CDH10: variants seen among roughly 807,000 people sequenced by gnomAD.
CDH10 encodes the protein cadherin-10.
A neutral mutation model predicts 73.1 loss-of-function variants in CDH10; 30 were observed. The ratio of observed to expected loss-of-function variants is 0.41; its 90% CI spans 0.31 to 0.56. CDH10 has a LOEUF of 0.56. Ranked by LOEUF, CDH10 falls within the 20% of genes least tolerant of loss-of-function variation. CDH10 has a pLI of 0.27. For missense variants in CDH10, 815 were observed against 973.7 expected (o/e 0.84, Z 2.17); for synonymous variants, 345 against 348.2 (o/e 0.99, Z 0.10).
chr5:24,601,994 T>G (rs1241168276), intron 1 of CDH10, among the ~76,000 whole-genome samples: 1 of 152,120 alleles, frequency 6.6e-6, no homozygotes, highest in Non-Finnish European at 1.5e-5. Context: ...CTTTAACAAA[T>G]TTTGGTTTTT....
chr5:24,603,259 A>G (rs1746632039), intron 1 of CDH10, among the ~76,000 whole-genome samples: 1 of 152,202 alleles, frequency 6.6e-6, no homozygotes, highest in Admixed American at 6.5e-5. Flanking sequence ...TTTGGAGTCT[A>G]ACACAATCCA....
At chr5:24,504,628 C>T (rs1168774727) in intron 8 of CDH10, among the ~76,000 whole-genome samples, 1 of 149,608 alleles carries the variant, frequency 6.7e-6, no homozygotes, top group Non-Finnish European at 1.5e-5. Context: ...CAGGTTCACG[C>T]CATTCTCCTG....
chr5:24,642,977 C>CAAAA (rs35064864), intron 1 of CDH10, among the ~76,000 whole-genome samples: 25 of 144,454 alleles, frequency 1.7e-4, no homozygotes, highest in African/African-American at 3.8e-4. Flanking sequence ...ATAACACAGC[C>CAAAA]AAAAAAAAAA....
intron 1 of CDH10, among the ~76,000 whole-genome samples, chr5:24,618,108 T>A (rs1747184367): frequency 6.6e-6 from 1 of 152,204 alleles, no homozygotes; most frequent in South Asian, 2.1e-4. Context: ...TTTTTCACTG[T>A]TAAATGTGAA....
At chr5:24,555,837 C>T (rs543785808) in intron 2 of CDH10, among the ~76,000 whole-genome samples, 88 of 151,306 alleles carry the variant, frequency 5.8e-4, no homozygotes, top group Non-Finnish European at 3.5e-4. Context: ...GGTTAACATA[C>T]GTCTATTGGG....
At chr5:24,499,633 G>C (rs1742417322) in intron 8 of CDH10, 1 of 151,644 alleles carries the variant, frequency 6.6e-6, no homozygotes, top group Non-Finnish European at 1.5e-5. Context: ...GTTGCAGTGA[G>C]CTGAGATCGT....
intron 5 of CDH10, among the ~76,000 whole-genome samples, chr5:24,526,787 C>T (rs530607864): frequency 6.6e-5 from 10 of 151,764 alleles, no homozygotes; most frequent in South Asian, 2.1e-4. Context: ...TGATGCTGTC[C>T]GAAAAAAGAT....
intron 2 of CDH10, among the ~76,000 whole-genome samples, chr5:24,582,600 T>A (rs1036897002): frequency 6.6e-5 from 10 of 152,160 alleles, no homozygotes; most frequent in African/African-American, 2.4e-4. Flanking sequence ...AGTGTATACA[T>A]GTTTTATGTA....
At chr5:24,554,587 T>C (rs545730321) in intron 2 of CDH10, among the ~76,000 whole-genome samples, 7 of 152,168 alleles carry the variant, frequency 4.6e-5, no homozygotes, top group African/African-American at 9.6e-5. Flanking sequence ...TAGTTATATA[T>C]CCTATGATCC....
At chr5:24,627,301 C>A (rs753894572) in intron 1 of CDH10, among the ~76,000 whole-genome samples, 20 of 151,928 alleles carry the variant, frequency 1.3e-4, no homozygotes, top group Admixed American at 3.3e-4. Flanking sequence ...TAAAATAAAA[C>A]AGTGTTTAAA....
chr5:24,643,546 G>A (rs1260737884), intron 1 of CDH10, among the ~76,000 whole-genome samples: 1 of 151,658 alleles, frequency 6.6e-6, no homozygotes, highest in African/African-American at 2.4e-5. Flanking sequence ...AAAAAAAGAG[G>A]AGAAAAAATA....
At chr5:24,540,358 C>A in intron 2 of CDH10, among the ~76,000 whole-genome samples, 1 of 151,900 alleles carries the variant, frequency 6.6e-6, no homozygotes, top group Non-Finnish European at 1.5e-5. Flanking sequence ...CTATTCTAAT[C>A]AGTTAGACAT....
intron 1 of CDH10, chr5:24,613,134 C>T (rs1404993755): frequency 3.3e-5 from 5 of 151,356 alleles, no homozygotes; most frequent in Admixed American, 3.3e-4. Flanking sequence ...ACTGAAGGTA[C>T]CTCTTTCTTA....
chr5:24,583,099 A>G (rs183270942), intron 2 of CDH10, among the ~76,000 whole-genome samples: 115 of 152,186 alleles, frequency 7.6e-4, no homozygotes, highest in African/African-American at 2.6e-3. Context: ...AAATGTTAAA[A>G]CAATTACAGT....
rs139927244 is a variant in CDH10 at position 24,498,497 on chromosome 5, G to A, written c.1416C>T (p.Arg472=). The A allele has an allele frequency of 1.2e-4, 189 of 1,598,588 alleles. No individual in the cohort carries two copies. The highest frequency in any genetic ancestry group is 3.2e-5 in the Non-Finnish European group (37 of 1,166,246). The change falls in exon 9 of 12, where the codon CGC becomes CGT. Residue 472 remains arginine (R), a synonymous_variant. Transcript: ENST00000264463. ...AEINNPKETT[R]VAVFVRILDV... ...CCAAAATTCTCACAAAAACAGCCACGCGTGTTGTCTCTTTGGGATTGTCTG... is the reference window on the plus strand; with the variant it reads ...CCAAAATTCTCACAAAAACAGCCACACGTGTTGTCTCTTTGGGATTGTCTG...
chr5:24,546,897 T>A (rs988010875), intron 2 of CDH10, among the ~76,000 whole-genome samples: 7 of 152,104 alleles, frequency 4.6e-5, no homozygotes, highest in Admixed American at 2.0e-4. Context: ...ATAAAAAAGA[T>A]GAGCAATGAT....
At chr5:24,488,520 C>T (rs994324412) in intron 11 of CDH10, among the ~76,000 whole-genome samples, 4 of 152,020 alleles carry the variant, frequency 2.6e-5, no homozygotes, top group Non-Finnish European at 5.9e-5. Context: ...GTGTATAAAT[C>T]TACACAAATT....
intron 1 of CDH10, among the ~76,000 whole-genome samples, chr5:24,616,253 C>T (rs1747123933): frequency 6.6e-6 from 1 of 152,064 alleles, no homozygotes; most frequent in South Asian, 2.1e-4. Flanking sequence ...TTTAAATGTT[C>T]ATTAATTAAG....
chr5:24,644,039 A>G (rs964004201), intron 1 of CDH10, among the ~76,000 whole-genome samples: 1 of 152,174 alleles, frequency 6.6e-6, no homozygotes, highest in African/African-American at 2.4e-5. Flanking sequence ...GATGAATGTC[A>G]ATCTATTGTA....
Sources: allele counts gnomAD v4.1 joint callset (sites outside exome capture counted in the v4.1 genomes callset), GRCh38; gene constraint gnomAD v4.1.1; transcripts MANE v1.5; gene names NCBI Gene and HGNC (gene_info 2026-07-23, HGNC 2026-07-21).